Variants in FOXP1 observed in about 807,000 individuals in gnomAD.
FOXP1 encodes the protein forkhead box P1.
In FOXP1, 15 loss-of-function variants were observed where a neutral mutation model predicts 98.2. That is an observed-to-expected ratio of 0.15 (90% CI 0.10 to 0.24). The LOEUF (loss-of-function observed/expected upper bound fraction) is 0.24. Among genes scored for constraint, FOXP1 ranks in the 10% least tolerant of loss-of-function variants. The probability of loss-of-function intolerance (pLI) is 1.00; values close to 1 mark genes in which losing one functional copy is unlikely to be tolerated. For missense variants in FOXP1, 633 were observed against 848.5 expected (o/e 0.75, Z 3.15); for synonymous variants, 371 against 314.5 (o/e 1.18, Z -1.90).
At chr3:71,550,617 T>C (rs2045704892) in intron 2 of FOXP1, among the ~76,000 whole-genome samples, 1 of 152,132 alleles carries the variant, frequency 6.6e-6, no homozygotes, top group Admixed American at 6.5e-5. Flanking sequence ...AGAAAACTAC[T>C]GGAAAAAGAA....
rs199575650 is a variant in FOXP1, at chr3:70,991,043, A to G, written c.1063-2966T>C. Among the ~76,000 whole-genome samples, 730 of 128,246 alleles carry G rather than the reference A, an allele frequency of 5.7e-3. 1 individual carries two copies. The highest frequency in any genetic ancestry group is 0.014 in the African/African-American group (451 of 33,264). 84.1% of individuals were successfully genotyped at this position (128,246 alleles called of 152,430 possible). On this transcript the variant is annotated intron_variant, in intron 13 of 20. Coordinates refer to ENST00000649528, the MANE Select transcript of FOXP1 (RefSeq NM_001349338.3). ...GACTAGTGCTTTATGAATGCTCAAC[A>G]ACTTTCTAATTTTTTTTTTTTTTTT...
At chr3:71,104,485 T>A (rs930434824) in intron 7 of FOXP1, among the ~76,000 whole-genome samples, 1 of 152,178 alleles carries the variant, frequency 6.6e-6, no homozygotes, top group Non-Finnish European at 1.5e-5. Flanking sequence ...AGTAATGAGA[T>A]TACATTTCAG....
At chr3:71,162,026 T>C (rs901679408) in intron 6 of FOXP1, among the ~76,000 whole-genome samples, 1 of 152,132 alleles carries the variant, frequency 6.6e-6, no homozygotes, top group Admixed American at 6.5e-5. Flanking sequence ...TCTGGACCAA[T>C]TGAGGAAAAA....
chr3:71,482,111 G>T (rs1044984342), intron 3 of FOXP1, among the ~76,000 whole-genome samples: 2 of 152,036 alleles, frequency 1.3e-5, no homozygotes, highest in Non-Finnish European at 2.9e-5. Context: ...CGCACATGTC[G>T]CCTGCTGTCT....
chr3:71,196,228 T>C (rs2063291975), intron 6 of FOXP1, among the ~76,000 whole-genome samples: 1 of 152,198 alleles, frequency 6.6e-6, no homozygotes. Flanking sequence ...CAATAACCCA[T>C]AACAACAAAT....
At chr3:71,206,343 T>A (rs1182957374) in intron 5 of FOXP1, among the ~76,000 whole-genome samples, 1 of 152,188 alleles carries the variant, frequency 6.6e-6, no homozygotes, top group Non-Finnish European at 1.5e-5. Context: ...TGTTAGGTCT[T>A]AAGAGAAGTA....
chr3:70,976,907 A>T lies in FOXP1; in HGVS notation c.1530+34T>A, dbSNP rs746413880. 11 of 1,464,624 alleles carry T rather than the reference A, an allele frequency of 7.5e-6. No individual in the cohort carries two copies. In the East Asian group the frequency reaches 2.5e-4, roughly 33 times the overall value. 90.7% of individuals were successfully genotyped at this position (1,464,624 alleles called of 1,614,324 possible). ...ACAACAAACTGTTCTATGAACGTCA[A>T]GATCCAAGAATAAACAGGCCTGAGA... On this transcript the variant is annotated intron_variant, in intron 17 of 20. Transcript: ENST00000649528.
chr3:71,385,703 T>C (rs2080519087), intron 3 of FOXP1, among the ~76,000 whole-genome samples: 1 of 152,254 alleles, frequency 6.6e-6, no homozygotes, highest in South Asian at 2.1e-4. Flanking sequence ...TATAGGTATG[T>C]GTCTGAAGCA....
At chr3:71,206,253 A>G (rs1046021272) in intron 5 of FOXP1, among the ~76,000 whole-genome samples, 4 of 152,218 alleles carry the variant, frequency 2.6e-5, no homozygotes, top group Non-Finnish European at 2.9e-5. Context: ...TCCAACTTTA[A>G]AAATACTCTA....
chr3:71,428,775 A>G (rs1241247123), intron 3 of FOXP1, among the ~76,000 whole-genome samples: 1 of 152,216 alleles, frequency 6.6e-6, no homozygotes, highest in Non-Finnish European at 1.5e-5. Context: ...CTGGACACAC[A>G]TACACACAAA....
intron 4 of FOXP1, among the ~76,000 whole-genome samples, chr3:71,339,014 C>T (rs1278946483): frequency 6.6e-6 from 1 of 152,114 alleles, no homozygotes; most frequent in Non-Finnish European, 1.5e-5. Flanking sequence ...AATTTCTCCC[C>T]CTATTCCATA....
Position 71,581,251 on chromosome 3 carries a change from G to A in FOXP1, c.-298+298C>T, listed in dbSNP as rs1366038196. 3.0e-6 allele frequency: 3 copies of A among 985,324 alleles called. No homozygotes were observed. In the East Asian group the frequency reaches 3.4e-4, roughly 112 times the overall value. 61.0% of individuals were successfully genotyped at this position (985,324 alleles called of 1,614,324 possible). On this transcript the variant is annotated intron_variant, in intron 2 of 20. Coordinates refer to ENST00000649528, the MANE Select transcript of FOXP1 (RefSeq NM_001349338.3). The stretch of plus-strand genomic sequence containing the variant: ...TAATTAATAGTTATAAGAGGGGAGT[G>A]GGGTGAGAAGGGGGGCGAGGATGTC...
chr3:71,326,900 T>C (rs577343968), intron 4 of FOXP1, among the ~76,000 whole-genome samples: 1 of 151,942 alleles, frequency 6.6e-6, no homozygotes, highest in Non-Finnish European at 1.5e-5. Flanking sequence ...ATAAGAGAAA[T>C]AGTTGGAGGA....
intron 4 of FOXP1, among the ~76,000 whole-genome samples, chr3:71,311,640 T>C (rs912477472): frequency 1.3e-5 from 2 of 152,196 alleles, no homozygotes; most frequent in African/African-American, 2.4e-5. Context: ...CCCATGTACA[T>C]TGTCAGTATA....
chr3:71,456,362 A>C lies in FOXP1; in HGVS notation c.-168+37064T>G, dbSNP rs188841650. Among the ~76,000 whole-genome samples the C allele has an allele frequency of 6.3e-4, 96 of 152,350 alleles. 1 individual carries two copies. The East Asian group carries it at 0.016, about 25-fold the overall frequency. ...TACTTTCAATATTGCAGAAGCAAAGAAGCTCCACTAGATGGAAGGTGCCGG... is the reference window on the plus strand; with the variant it reads ...TACTTTCAATATTGCAGAAGCAAAGCAGCTCCACTAGATGGAAGGTGCCGG... On this transcript the variant is annotated intron_variant, in intron 3 of 20. Transcript: ENST00000649528.
chr3:71,492,450 C>G (rs534416408), intron 3 of FOXP1, among the ~76,000 whole-genome samples: 1 of 146,336 alleles, frequency 6.8e-6, no homozygotes, highest in East Asian at 2.0e-4. Context: ...AACTCCGTCT[C>G]CAAAAAAAAA....
At chr3:71,566,060 G>A (rs940500605) in intron 2 of FOXP1, among the ~76,000 whole-genome samples, 2 of 152,092 alleles carry the variant, frequency 1.3e-5, no homozygotes, top group Non-Finnish European at 2.9e-5. Flanking sequence ...TCCCAAAAGC[G>A]CACAGGTATA....
At chr3:71,382,199 C>T (rs1017210229) in intron 3 of FOXP1, among the ~76,000 whole-genome samples, 1 of 151,874 alleles carries the variant, frequency 6.6e-6, no homozygotes, top group Non-Finnish European at 1.5e-5. Flanking sequence ...TGCTTGAGCC[C>T]AGGAGGTAGA....
At chr3:71,396,995 CACAT>C (rs2081481328) in intron 3 of FOXP1, among the ~76,000 whole-genome samples, 3 of 46,126 alleles carry the variant, frequency 6.5e-5, no homozygotes, top group African/African-American at 3.7e-4. Context: ...TATATATATA[CACAT>C]ATATATGTGT....
Sources: allele counts gnomAD v4.1 joint callset (sites outside exome capture counted in the v4.1 genomes callset), GRCh38; gene constraint gnomAD v4.1.1; transcripts MANE v1.5; gene names NCBI Gene and HGNC (gene_info 2026-07-23, HGNC 2026-07-21).